Variants in ACVR1B observed in about 807,000 individuals in gnomAD.
ACVR1B encodes activin A receptor type 1B.
A neutral mutation model predicts 55.6 loss-of-function variants in ACVR1B; 15 were observed. The ratio of observed to expected loss-of-function variants is 0.27; its 90% CI spans 0.18 to 0.42. The LOEUF is 0.42. ACVR1B is among the 10% of genes least tolerant of loss of function. ACVR1B has a pLI of 1.00. For missense variants in ACVR1B, 359 were observed against 670.1 expected (o/e 0.54, Z 5.13); for synonymous variants, 247 against 254.6 (o/e 0.97, Z 0.28).
At position 51,985,182 on chromosome 12, in the gene ACVR1B, T is replaced by G; in HGVS notation, c.980-10T>G. On this transcript the variant is annotated splice_polypyrimidine_tract_variant and intron_variant, in intron 5 of 8. Coordinates refer to ENST00000257963, the MANE Select transcript of ACVR1B (RefSeq NM_004302.5). ...CTCTTTGTAAAGATCCCTGTTTTTT[T>G]CTCTGCCAGGGAAGCCTGGAATTGC... 6.2e-7 allele frequency: 1 copy of G among 1,603,284 alleles called. No homozygotes were observed. The highest frequency in any genetic ancestry group is 8.5e-7 in the Non-Finnish European group (1 of 1,175,438).
chr12:51,965,455 T>C (rs1021066266), intron 1 of ACVR1B, among the ~76,000 whole-genome samples: 1 of 152,204 alleles, frequency 6.6e-6, no homozygotes, highest in African/African-American at 2.4e-5. Flanking sequence ...AATATTAGAA[T>C]TGAAATGCTT....
At position 51,951,730 on chromosome 12, in the gene ACVR1B, CGG is replaced by C; in HGVS notation, c.-13_-12del. ...TGCTGGGCTGCGGCGGCGGCGGCGGCGGCGGTGGTTACTATGGCGGAGTCGGC... is the reference window on the plus strand; with the variant it reads ...TGCTGGGCTGCGGCGGCGGCGGCGGCCGGTGGTTACTATGGCGGAGTCGGC... On this transcript the variant is annotated 5_prime_UTR_variant, in exon 1 of 9. Transcript: ENST00000257963. 20 of 1,224,338 alleles carry C rather than the reference CGG, an allele frequency of 1.6e-5. No homozygotes were observed. Among genetic ancestry groups the C allele is most frequent in the Non-Finnish European group, 2.0e-5 (19 of 971,154 alleles). The allele number at this position is 1,224,338 out of a possible 1,614,324, so 75.8% of individuals were successfully genotyped here. A position where few individuals can be genotyped will look rare whatever the true frequency, so the allele number is the denominator to read the frequency against.
chr12:51,969,669 T>C (rs1194980983), intron 1 of ACVR1B, among the ~76,000 whole-genome samples: 1 of 152,232 alleles, frequency 6.6e-6, no homozygotes, highest in East Asian at 1.9e-4. Flanking sequence ...TAATAAAGTC[T>C]GTACAGGTAG....
chr12:51,953,614 G>A, intron 1 of ACVR1B: 3 of 716,448 alleles, frequency 4.2e-6, no homozygotes, highest in Non-Finnish European at 5.1e-6. Context: ...AAAAAAGGGA[G>A]ATTGAACCTC....
intron 3 of ACVR1B, among the ~76,000 whole-genome samples, chr12:51,977,865 C>T (rs1941897089): frequency 7.5e-6 from 1 of 133,004 alleles, no homozygotes; most frequent in African/African-American, 2.8e-5. Flanking sequence ...CAAGTCCATT[C>T]TTAAAAAAGA....
intron 5 of ACVR1B, among the ~76,000 whole-genome samples, chr12:51,984,395 A>G (rs555953315): frequency 1.3e-5 from 2 of 152,354 alleles, no homozygotes; most frequent in East Asian, 1.9e-4. Context: ...TATAATATCA[A>G]TATTCAGCTA....
Position 51,992,246 on chromosome 12 carries a change from T to A in ACVR1B, c.1392+253T>A, listed in dbSNP as rs967285030. The A allele has an allele frequency of 5.7e-6, 3 of 529,374 alleles. No individual in the cohort carries two copies. In the African/African-American group the frequency reaches 5.8e-5, roughly 10 times the overall value. 32.8% of individuals were successfully genotyped at this position (529,374 alleles called of 1,614,324 possible). A position where few individuals can be genotyped will look rare whatever the true frequency, so the allele number is the denominator to read the frequency against. On this transcript the variant is annotated intron_variant, in intron 8 of 8. Coordinates refer to ENST00000257963, the MANE Select transcript of ACVR1B (RefSeq NM_004302.5). ...TGGGCCTGGTGTGGTGGCATAGGCC[T>A]GTAATCGTAGCGCTTTGAGAGGCTG...
intron 8 of ACVR1B, among the ~76,000 whole-genome samples, chr12:51,992,923 G>C (rs1419650092): frequency 6.6e-6 from 1 of 152,246 alleles, no homozygotes; most frequent in African/African-American, 2.4e-5. Flanking sequence ...AGGGGAACAG[G>C]CTTCGCCTAG....
chr12:51,972,967 A>C (rs1941773990), intron 1 of ACVR1B, among the ~76,000 whole-genome samples: 1 of 152,110 alleles, frequency 6.6e-6, no homozygotes, highest in East Asian at 1.9e-4. Flanking sequence ...CCTTATCACA[A>C]ACCCACACGG....
intron 8 of ACVR1B, 141 bp from the exon 9 acceptor site, chr12:51,993,844 C>G (rs1942244230): frequency 2.6e-6 from 2 of 783,950 alleles, no homozygotes; most frequent in Non-Finnish European, 3.6e-6. Flanking sequence ...CAGAGCATTT[C>G]CCTAAGGTCG....
chr12:51,975,592 T>G (rs1307344665), intron 2 of ACVR1B, 88 bp downstream of exon 2: 1 of 1,500,976 alleles, frequency 6.7e-7, no homozygotes. Context: ...GCCCACTCAC[T>G]TGGTTTGACG....
chr12:51,991,535 G>A (rs1368873510), intron 7 of ACVR1B, among the ~76,000 whole-genome samples: 2 of 152,220 alleles, frequency 1.3e-5, no homozygotes, highest in African/African-American at 4.8e-5. Context: ...CCTAGTAGCT[G>A]GGACTACAGG....
intron 1 of ACVR1B, among the ~76,000 whole-genome samples, chr12:51,966,636 A>G (rs1941645439): frequency 1.3e-5 from 2 of 152,154 alleles, no homozygotes; most frequent in South Asian, 4.2e-4. Context: ...TTTTGTAGAG[A>G]CAGGGTCTCA....
chr12:51,983,760 A>T (rs1427932778), intron 4 of ACVR1B, among the ~76,000 whole-genome samples: 1 of 152,186 alleles, frequency 6.6e-6, no homozygotes, highest in Non-Finnish European at 1.5e-5. Context: ...AGTTCACCTA[A>T]AGGAAATCAG....
At chr12:51,993,780 A>G in intron 8 of ACVR1B, among the ~76,000 whole-genome samples, 2 of 132,042 alleles carry the variant, frequency 1.5e-5, no homozygotes, top group South Asian at 4.9e-4. Context: ...AAAAAAAAAA[A>G]AAAAAAAAAA....
At chr12:51,971,549 CAG>C (rs1941746569) in intron 1 of ACVR1B, among the ~76,000 whole-genome samples, 1 of 152,132 alleles carries the variant, frequency 6.6e-6, no homozygotes, top group African/African-American at 2.4e-5. Context: ...CACTATGAAA[CAG>C]ATTCTAAGGG....
intron 7 of ACVR1B, among the ~76,000 whole-genome samples, chr12:51,990,143 A>T (rs1256906679): frequency 4.0e-5 from 6 of 151,480 alleles, no homozygotes; most frequent in Non-Finnish European, 7.4e-5. Context: ...AAAATACAAA[A>T]ATTAGCCGGG....
intron 1 of ACVR1B, among the ~76,000 whole-genome samples, chr12:51,952,247 T>C (rs1941312848): frequency 6.6e-6 from 1 of 151,956 alleles, no homozygotes; most frequent in African/African-American, 2.4e-5. Flanking sequence ...GGCGTCTTTC[T>C]CCCGCCAAGA....
chr12:51,964,742 A>G (rs1339811908), intron 1 of ACVR1B, among the ~76,000 whole-genome samples: 1 of 152,160 alleles, frequency 6.6e-6, no homozygotes, highest in African/African-American at 2.4e-5. Context: ...TGTATGTTCT[A>G]AGCACTCTTG....
Sources: allele counts gnomAD v4.1 joint callset (sites outside exome capture counted in the v4.1 genomes callset), GRCh38; gene constraint gnomAD v4.1.1; transcripts MANE v1.5; gene names NCBI Gene and HGNC (gene_info 2026-07-23, HGNC 2026-07-21).